Variants in ARHGEF28 observed in about 807,000 individuals in gnomAD.
ARHGEF28 encodes the protein Rho guanine nucleotide exchange factor 28.
ARHGEF28 carries 152 observed loss-of-function variants against 206.6 expected under a neutral mutation model. The ratio of observed to expected loss-of-function variants is 0.74; its 90% confidence interval spans 0.64 to 0.84. The LOEUF (loss-of-function observed/expected upper bound fraction) is 0.84, where lower values mean the gene tolerates loss of function less well. Ranked by LOEUF, ARHGEF28 falls within the 40% of genes least tolerant of loss-of-function variation. The probability of loss-of-function intolerance (pLI) is 0.00; values close to 1 mark genes in which losing one functional copy is unlikely to be tolerated. For missense variants in ARHGEF28, 2,028 were observed against 2,073.2 expected, an observed-to-expected ratio of 0.98 and a Z score of 0.42; for synonymous variants, 763 against 776.4, an observed-to-expected ratio of 0.98 and a Z score of 0.29.
intron 12 of ARHGEF28, among the ~76,000 whole-genome samples, chr5:73,846,933 C>G (rs527834094): frequency 7.9e-5 from 12 of 152,120 alleles, no homozygotes; most frequent in African/African-American, 2.9e-4. Flanking sequence ...TGAACTAATC[C>G]GGAATATCAC....
intron 35 of ARHGEF28, among the ~76,000 whole-genome samples, chr5:73,924,249 A>G (rs897185281): frequency 1.2e-4 from 18 of 152,210 alleles, no homozygotes; most frequent in African/African-American, 4.3e-4. Flanking sequence ...ATTTATACTG[A>G]ACAATGGAGA....
intron 7 of ARHGEF28, among the ~76,000 whole-genome samples, chr5:73,783,620 G>A (rs1052705737): frequency 3.3e-5 from 5 of 152,166 alleles, no homozygotes; most frequent in African/African-American, 9.7e-5. Context: ...CTGCCCTACA[G>A]CAGTGTGACA....
At chr5:73,835,469 CAA>C (rs35411118) in intron 10 of ARHGEF28, among the ~76,000 whole-genome samples, 27 of 102,598 alleles carry the variant, frequency 2.6e-4, no homozygotes, top group African/African-American at 8.7e-4. Flanking sequence ...GACTCTGTCT[CAA>C]AAAAAAAAAA....
chr5:73,865,924 A>G (rs1392609983), intron 17 of ARHGEF28, 41 bp from the exon 18 acceptor site: 2 of 1,378,696 alleles, frequency 1.5e-6, no homozygotes, highest in Admixed American at 1.9e-5. Context: ...GTCTAATGAT[A>G]CTTTGATCTT....
At chr5:73,756,180 G>A (rs1229413544) in intron 4 of ARHGEF28, among the ~76,000 whole-genome samples, 1 of 152,170 alleles carries the variant, frequency 6.6e-6, no homozygotes, top group African/African-American at 2.4e-5. Flanking sequence ...ATTAGATAAT[G>A]TATGGCAAGA....
chr5:73,905,307 TAA>T (rs10544463), intron 33 of ARHGEF28: 78,175 of 144,536 alleles, frequency 0.54, 21,146 homozygotes, highest in African/African-American at 0.65. Flanking sequence ...GCCCATCCAT[TAA>T]AAAAAAAAAA....
At chr5:73,663,525 A>C (rs996263588) in intron 1 of ARHGEF28, among the ~76,000 whole-genome samples, 3 of 152,138 alleles carry the variant, frequency 2.0e-5, no homozygotes, top group Non-Finnish European at 4.4e-5. Flanking sequence ...GTTTACAAAG[A>C]CTATGGCCCT....
Position 73,873,133 on chromosome 5 carries a change from C to T in ARHGEF28, c.2701C>T (p.Leu901Phe). The T allele has an allele frequency of 6.2e-7, 1 of 1,612,928 alleles. No individual in the cohort carries two copies. The highest frequency in any genetic ancestry group is 8.5e-7 in the Non-Finnish European group (1 of 1,179,464). The change falls in exon 22 of 36, where the codon CTT becomes TTT. Residue 901 changes from leucine (L) to phenylalanine (F), a missense_variant. This residue lies in a region of ARHGEF28 where 223 missense variants were observed against 289.9 expected (regional missense o/e 0.77). Transcript: ENST00000513042. ...AATTTTCCCCTGTTTAGATGAGTTG[C>T]TTGAAATCCACAGGCATTTCTTCTA... ...DKIFPCLDEL[L>F]EIHRHFFYSM... is the part of the protein sequence containing the mutation.
chr5:73,894,724 T>G, intron 29 of ARHGEF28, 149 bp downstream of exon 29: 2 of 978,908 alleles, frequency 2.0e-6, no homozygotes, highest in Non-Finnish European at 2.9e-6. Flanking sequence ...TTTCTAGAAA[T>G]AGCCAAATAT....
At chr5:73,937,666 T>A (rs567648675) in intron 35 of ARHGEF28, among the ~76,000 whole-genome samples, 1 of 152,346 alleles carries the variant, frequency 6.6e-6, no homozygotes, top group African/African-American at 2.4e-5. Context: ...TTTATGTCCA[T>A]CGATTTACAG....
intron 7 of ARHGEF28, among the ~76,000 whole-genome samples, chr5:73,784,081 C>A (rs1754008801): frequency 6.6e-6 from 1 of 151,592 alleles, no homozygotes; most frequent in African/African-American, 2.4e-5. Flanking sequence ...CTGGAGGAGA[C>A]TCAACTGAAA....
intron 9 of ARHGEF28, among the ~76,000 whole-genome samples, chr5:73,820,132 A>G (rs972595670): frequency 3.3e-5 from 5 of 152,144 alleles, no homozygotes; most frequent in Non-Finnish European, 5.9e-5. Context: ...CTACACCCAG[A>G]TAGTCTTTAT....
intron 1 of ARHGEF28, among the ~76,000 whole-genome samples, chr5:73,682,604 G>T (rs1204535755): frequency 6.6e-6 from 1 of 152,010 alleles, no homozygotes; most frequent in Non-Finnish European, 1.5e-5. Context: ...TAGATATGGG[G>T]TTTCACCATA....
intron 1 of ARHGEF28, among the ~76,000 whole-genome samples, chr5:73,634,932 C>T (rs1241581503): frequency 6.6e-6 from 1 of 152,102 alleles, no homozygotes; most frequent in East Asian, 1.9e-4. Flanking sequence ...ATTTTAGTAT[C>T]CTTAGATTTT....
chr5:73,787,297 A>G (rs1004744178), intron 7 of ARHGEF28, among the ~76,000 whole-genome samples: 1 of 152,194 alleles, frequency 6.6e-6, no homozygotes, highest in Non-Finnish European at 1.5e-5. Flanking sequence ...AGCACTTGAA[A>G]ATATTGTTTT....
chr5:73,761,249 C>T (rs958420663), intron 4 of ARHGEF28, among the ~76,000 whole-genome samples: 1 of 152,176 alleles, frequency 6.6e-6, no homozygotes, highest in African/African-American at 2.4e-5. Flanking sequence ...GGAATATCTT[C>T]ATAACCTTGA....
chr5:73,886,588 G>C (rs1035930558), intron 25 of ARHGEF28, among the ~76,000 whole-genome samples: 1 of 152,198 alleles, frequency 6.6e-6, no homozygotes, highest in African/African-American at 2.4e-5. Flanking sequence ...CTTTTCCTCA[G>C]TGCTACTGTT....
intron 2 of ARHGEF28, among the ~76,000 whole-genome samples, chr5:73,710,617 A>G (rs1408592515): frequency 6.6e-6 from 1 of 152,218 alleles, no homozygotes; most frequent in Non-Finnish European, 1.5e-5. Flanking sequence ...ATGCTTTGCT[A>G]AACTCAAGGT....
At chr5:73,833,741 G>A (rs1757439038) in intron 10 of ARHGEF28, among the ~76,000 whole-genome samples, 1 of 152,106 alleles carries the variant, frequency 6.6e-6, no homozygotes, top group Non-Finnish European at 1.5e-5. Flanking sequence ...GGCTGAGGAG[G>A]CCTCAGGAAA....
Sources: allele counts gnomAD v4.1 joint callset (sites outside exome capture counted in the v4.1 genomes callset), GRCh38; gene constraint gnomAD v4.1.1; regional missense constraint gnomAD v4.1.1; transcripts MANE v1.5; gene names NCBI Gene and HGNC (gene_info 2026-07-23, HGNC 2026-07-21).